The following PRKG1 variants were observed in gnomAD, a reference collection of about 807,000 sequenced individuals.
PRKG1 encodes the protein cGMP-dependent protein kinase 1.
Under a neutral mutation model 88.1 loss-of-function variants are expected in PRKG1, and 35 were observed. The observed-to-expected ratio is 0.40, with a 90% CI of 0.30 to 0.53. The LOEUF is 0.53. Among genes scored for constraint, PRKG1 ranks in the 20% least tolerant of loss-of-function variants. The probability of loss-of-function intolerance (pLI) is 0.59; values close to 1 mark genes in which losing one functional copy is unlikely to be tolerated. For missense variants in PRKG1, 540 were observed against 839.8 expected (o/e 0.64, Z 4.41); for synonymous variants, 303 against 292.5 (o/e 1.04, Z -0.37).
chr10:51,334,644 G>A (rs1298233691), intron 2 of PRKG1, among the ~76,000 whole-genome samples: 4 of 151,992 alleles, frequency 2.6e-5, no homozygotes, highest in South Asian at 2.1e-4. Context: ...AAAGTAATCC[G>A]TTTCCAAGGA....
chr10:51,864,904 A>T (rs1589370459), intron 4 of PRKG1, among the ~76,000 whole-genome samples: 2 of 152,166 alleles, frequency 1.3e-5, no homozygotes, highest in Non-Finnish European at 2.9e-5. Context: ...GAATTTTTGT[A>T]TGTCACCTCA....
At chr10:52,084,531 T>C (rs761010353) in intron 7 of PRKG1, among the ~76,000 whole-genome samples, 1 of 152,058 alleles carries the variant, frequency 6.6e-6, no homozygotes, top group African/African-American at 2.4e-5. Context: ...TTTGCTACAT[T>C]TGTTTCATCT....
chr10:51,491,193 T>G (rs1040085729), intron 3 of PRKG1, among the ~76,000 whole-genome samples: 1 of 151,834 alleles, frequency 6.6e-6, no homozygotes, highest in African/African-American at 2.4e-5. Flanking sequence ...TGATTTGGAG[T>G]GAGGTTGATT....
rs1846143040 is a variant in PRKG1, at chr10:52,057,734, T to C, written c.840+3173T>C. Among the ~76,000 whole-genome samples, 4 of 152,304 alleles carry C rather than the reference T, an allele frequency of 2.6e-5. No homozygotes were observed. In the South Asian group the frequency reaches 8.3e-4, roughly 32 times the overall value. ...AATCACATGGCTTTGCTTCATAAAG[T>C]TAACAAGTATTTAAACATGCCAATT... On this transcript the variant is annotated intron_variant, in intron 6 of 17. Transcript: ENST00000373980.
In PRKG1 at chr10:51,944,575, T is replaced by C. The variant is rs541526777; in HGVS notation, c.762+37005T>C. 5.3e-5 allele frequency among the ~76,000 whole-genome samples: 8 copies of C among 152,256 alleles called. No individual in the cohort carries two copies. The South Asian group carries it at 1.4e-3, about 28-fold the overall frequency. On this transcript the variant is annotated intron_variant, in intron 5 of 17. Coordinates refer to ENST00000373980, the MANE Select transcript of PRKG1 (RefSeq NM_006258.4). ...GTGTCAATTTTGGATCTTTCCTGCT[T>C]TCTCTTGTGGGCATTTAGTGCTATA... is the stretch of plus-strand genomic sequence containing the variant.
rs537738821 is a variant in PRKG1, at chr10:51,888,625, T to C, written c.699-18882T>C. On this transcript the variant is annotated intron_variant, in intron 4 of 17. Coordinates refer to ENST00000373980, the MANE Select transcript of PRKG1 (RefSeq NM_006258.4). Reference sequence around the variant, plus strand: ...ACAATGCAGGGTCTGATGTTGCTAATTAAGCAATCTAAGATTTTGGCAAAT... The same window carrying C: ...ACAATGCAGGGTCTGATGTTGCTAACTAAGCAATCTAAGATTTTGGCAAAT... 7.2e-5 allele frequency among the ~76,000 whole-genome samples: 11 copies of C among 152,324 alleles called. No individual in the cohort carries two copies. In the East Asian group the frequency reaches 2.1e-3, roughly 29 times the overall value.
intron 2 of PRKG1, among the ~76,000 whole-genome samples, chr10:51,184,162 T>C (rs755706844): frequency 3.3e-5 from 5 of 152,254 alleles, no homozygotes; most frequent in Non-Finnish European, 7.3e-5. Context: ...CAAAGAGCAA[T>C]GGTAACAGTA....
intron 9 of PRKG1, among the ~76,000 whole-genome samples, chr10:52,197,331 C>T (rs1839533463): frequency 6.6e-6 from 1 of 152,134 alleles, no homozygotes; most frequent in Admixed American, 6.5e-5. Context: ...AATAAGTAAA[C>T]ATGTCAACTG....
At chr10:51,344,470 CT>C (rs1842069622) in intron 2 of PRKG1, among the ~76,000 whole-genome samples, 1 of 152,176 alleles carries the variant, frequency 6.6e-6, no homozygotes, top group Non-Finnish European at 1.5e-5. Flanking sequence ...ATCAGACACA[CT>C]CAGGGCTTAA....
At chr10:51,915,535 A>ATGTG (rs1177904020) in intron 5 of PRKG1, among the ~76,000 whole-genome samples, 8 of 150,374 alleles carry the variant, frequency 5.3e-5, no homozygotes, top group African/African-American at 1.8e-4. Context: ...GAGTTGGAAG[A>ATGTG]TGTGTGTGTG....
At chr10:51,758,307 C>T (rs968552795) in intron 3 of PRKG1, among the ~76,000 whole-genome samples, 3 of 152,080 alleles carry the variant, frequency 2.0e-5, no homozygotes, top group East Asian at 3.9e-4. Flanking sequence ...ATAAAAATAC[C>T]AGTTCATTGC....
intron 3 of PRKG1, chr10:51,698,003 G>C (rs1356505697): frequency 6.2e-7 from 1 of 1,613,044 alleles, no homozygotes; most frequent in East Asian, 2.2e-5. Context: ...CTGCATGCCT[G>C]TTCCTTGTAT....
chr10:52,125,565 C>A (rs927915334), intron 7 of PRKG1, among the ~76,000 whole-genome samples: 1 of 152,092 alleles, frequency 6.6e-6, no homozygotes, highest in Non-Finnish European at 1.5e-5. Context: ...ATATGGAACC[C>A]GATTGCCCTC....
intron 2 of PRKG1, among the ~76,000 whole-genome samples, chr10:51,176,712 G>A (rs1262162965): frequency 2.0e-5 from 3 of 152,010 alleles, no homozygotes; most frequent in Non-Finnish European, 2.9e-5. Context: ...GTGTCATTTG[G>A]CCAGGTGACA....
chr10:51,918,957 C>A (rs561243571), intron 5 of PRKG1, among the ~76,000 whole-genome samples: 3 of 152,096 alleles, frequency 2.0e-5, no homozygotes, highest in Middle Eastern at 3.2e-3. Context: ...GAAGCCCACT[C>A]GTGCTTACAA....
chr10:52,017,461 C>T (rs999111939), intron 5 of PRKG1, among the ~76,000 whole-genome samples: 3 of 152,050 alleles, frequency 2.0e-5, no homozygotes, highest in Non-Finnish European at 4.4e-5. Context: ...AAAGAAGATT[C>T]TGGGGCGATT....
At chr10:51,947,898 A>G (rs985882181) in intron 5 of PRKG1, among the ~76,000 whole-genome samples, 10 of 152,146 alleles carry the variant, frequency 6.6e-5, no homozygotes, top group African/African-American at 2.4e-4. Flanking sequence ...AAGAAACGTG[A>G]AGGAAAACTC....
At chr10:51,423,938 T>C (rs1483766787) in intron 2 of PRKG1, among the ~76,000 whole-genome samples, 2 of 152,166 alleles carry the variant, frequency 1.3e-5, no homozygotes, top group Admixed American at 6.6e-5. Context: ...ATATTATGTT[T>C]GCTACATTTG....
intron 14 of PRKG1, 48 bp from the exon 15 acceptor site, chr10:52,288,678 T>C (rs994870098): frequency 2.2e-5 from 34 of 1,523,618 alleles, no homozygotes; most frequent in East Asian, 4.5e-5. Flanking sequence ...AGTGTTCTCA[T>C]GTAGAAAATA....
Sources: allele counts gnomAD v4.1 joint callset (sites outside exome capture counted in the v4.1 genomes callset), GRCh38; gene constraint gnomAD v4.1.1; transcripts MANE v1.5; gene names NCBI Gene and HGNC (gene_info 2026-07-23, HGNC 2026-07-21).